RBFOX1: variants seen among roughly 807,000 people sequenced by gnomAD.
RBFOX1 encodes the protein RNA binding fox-1 homolog 1.
A neutral mutation model predicts 57.7 loss-of-function variants in RBFOX1; 8 were observed. The observed-to-expected ratio is 0.14, with a 90% CI of 0.08 to 0.25. RBFOX1 has a LOEUF of 0.25. Among genes scored for constraint, RBFOX1 ranks in the 10% least tolerant of loss-of-function variants. RBFOX1 has a pLI of 1.00. For missense variants in RBFOX1, 611 were observed against 548.5 expected (o/e 1.11, Z -1.14); for synonymous variants, 326 against 222.4 (o/e 1.47, Z -4.15).
At chr16:5,504,786 A>G (rs901478861) in intron 2 of RBFOX1, among the ~76,000 whole-genome samples, 2 of 152,174 alleles carry the variant, frequency 1.3e-5, no homozygotes, top group African/African-American at 4.8e-5. Context: ...GAGGCTTGGG[A>G]AGACCAAGGG....
intron 3 of RBFOX1, among the ~76,000 whole-genome samples, chr16:6,971,342 T>C (rs538469770): frequency 6.6e-6 from 1 of 152,138 alleles, no homozygotes; most frequent in South Asian, 2.1e-4. Flanking sequence ...GGAAGAGCAA[T>C]CCAGGCAGCA....
chr16:5,398,917 G>T (rs867514109), intron 1 of RBFOX1, among the ~76,000 whole-genome samples: 52 of 152,220 alleles, frequency 3.4e-4, no homozygotes, highest in African/African-American at 1.2e-3. Flanking sequence ...AGCGGAGGCT[G>T]TGAACCAGAA....
intron 3 of RBFOX1, among the ~76,000 whole-genome samples, chr16:6,811,626 A>C (rs1414781122): frequency 6.6e-6 from 1 of 152,200 alleles, no homozygotes; most frequent in East Asian, 1.9e-4. Flanking sequence ...ACGGTGCCTC[A>C]GGTCTGTAAT....
At chr16:6,161,128 C>T (rs1488022973) in intron 1 of RBFOX1, among the ~76,000 whole-genome samples, 1 of 152,154 alleles carries the variant, frequency 6.6e-6, no homozygotes, top group African/African-American at 2.4e-5. Flanking sequence ...GTGACTCATG[C>T]TTGTCATCCC....
At chr16:7,574,657 A>T (rs1209817077) in intron 5 of RBFOX1, among the ~76,000 whole-genome samples, 5 of 152,088 alleles carry the variant, frequency 3.3e-5, no homozygotes, top group Admixed American at 2.0e-4. Flanking sequence ...AGGTGATCAG[A>T]TGGGGCCCAC....
intron 3 of RBFOX1, among the ~76,000 whole-genome samples, chr16:6,722,908 G>A (rs2066316791): frequency 6.6e-6 from 1 of 152,178 alleles, no homozygotes. Flanking sequence ...GGGGTAGAGT[G>A]AATATTTGTG....
chr16:7,074,332 T>C (rs2057917068), intron 4 of RBFOX1, among the ~76,000 whole-genome samples: 1 of 152,242 alleles, frequency 6.6e-6, no homozygotes, highest in Non-Finnish European at 1.5e-5. Context: ...ACTGAGATTC[T>C]GTTAGGTTGA....
chr16:6,674,077 C>G (rs1055625769), intron 3 of RBFOX1, among the ~76,000 whole-genome samples: 3 of 152,148 alleles, frequency 2.0e-5, no homozygotes, highest in African/African-American at 4.8e-5. Flanking sequence ...ATTCAGCACT[C>G]TCTTGGTTCT....
intron 3 of RBFOX1, among the ~76,000 whole-genome samples, chr16:5,791,899 G>C (rs1164853682): frequency 6.6e-6 from 1 of 152,170 alleles, no homozygotes; most frequent in Non-Finnish European, 1.5e-5. Context: ...GAGGTTTTGG[G>C]AAGAACCAGC....
chr16:7,447,973 C>G (rs2150107412), intron 4 of RBFOX1, among the ~76,000 whole-genome samples: 1 of 152,310 alleles, frequency 6.6e-6, no homozygotes. Context: ...ATCAGGATCT[C>G]TGGGGTTGGG....
In RBFOX1 at chr16:6,465,990, A is replaced by C. The variant is rs541079689; in HGVS notation, c.-64+148933A>C. On this transcript the variant is annotated intron_variant, in intron 2 of 15. Transcript: ENST00000550418. Reference sequence around the variant, plus strand: ...ATGCCTGTAATCCTAGCATATTGAGAGGCTGAGGTGGGTGGATCACTTGAG... The same window carrying C: ...ATGCCTGTAATCCTAGCATATTGAGCGGCTGAGGTGGGTGGATCACTTGAG... Among the ~76,000 whole-genome samples, 4 of 152,164 alleles carry C rather than the reference A, an allele frequency of 2.6e-5. 1 individual carries two copies. The highest frequency in any genetic ancestry group is 9.6e-5 in the African/African-American group (4 of 41,492).
chr16:7,614,004 G>A (rs2058013838), intron 10 of RBFOX1, among the ~76,000 whole-genome samples: 1 of 152,104 alleles, frequency 6.6e-6, no homozygotes, highest in Admixed American at 6.5e-5. Context: ...GGGTTTACAA[G>A]GTAACTGTTA....
intron 1 of RBFOX1, among the ~76,000 whole-genome samples, chr16:6,186,521 A>T (rs1456409030): frequency 6.6e-6 from 1 of 151,894 alleles, no homozygotes; most frequent in African/African-American, 2.4e-5. Context: ...TATAGTGAGG[A>T]GAGGGGCGGG....
intron 2 of RBFOX1, among the ~76,000 whole-genome samples, chr16:6,487,680 AAAAAAAAAAAAAAAAAAAAAATATAT>A (rs1432150250): frequency 3.1e-3 from 29 of 9,330 alleles, no homozygotes; most frequent in African/African-American, 4.3e-3. Context: ...ATGTAAAAAA[AAAAAAAAAAAAAAAAAAAAAATATAT>A]ATATATATAT....
chr16:6,005,364 G>C (rs956392019), intron 4 of RBFOX1, among the ~76,000 whole-genome samples: 1 of 152,198 alleles, frequency 6.6e-6, no homozygotes, highest in African/African-American at 2.4e-5. Context: ...GCCAATGTTT[G>C]TTGAGCATCT....
intron 2 of RBFOX1, among the ~76,000 whole-genome samples, chr16:6,488,083 A>C (rs1365462064): frequency 1.3e-5 from 2 of 152,120 alleles, no homozygotes; most frequent in African/African-American, 4.8e-5. Context: ...CAACCAAACA[A>C]ATCAAGGTGC....
At chr16:5,647,652 T>C (rs2049097112) in intron 3 of RBFOX1, among the ~76,000 whole-genome samples, 2 of 152,156 alleles carry the variant, frequency 1.3e-5, no homozygotes, top group African/African-American at 4.8e-5. Flanking sequence ...AGTAAGTCAG[T>C]ACCTTCTCTG....
Position 7,346,073 on chromosome 16 carries a change from C to T in RBFOX1, c.28-172074C>T, listed in dbSNP as rs138224010. On this transcript the variant is annotated intron_variant, in intron 4 of 15. Transcript: ENST00000550418. Reference sequence around the variant, plus strand: ...ATTCCCACCTGTGAGTGAGAACATGCGGTGTTTGGTTTTTTGTCCTTGCGA... The same window carrying T: ...ATTCCCACCTGTGAGTGAGAACATGTGGTGTTTGGTTTTTTGTCCTTGCGA... Among the ~76,000 whole-genome samples the T allele has an allele frequency of 4.6e-3, 698 of 152,188 alleles. 5 individuals are homozygous for T. Among genetic ancestry groups the T allele is most frequent in the African/African-American group, 0.016 (668 of 41,536 alleles).
intron 2 of RBFOX1, among the ~76,000 whole-genome samples, chr16:6,607,766 A>C (rs1025399332): frequency 6.6e-6 from 1 of 152,200 alleles, no homozygotes; most frequent in Non-Finnish European, 1.5e-5. Flanking sequence ...TCCAAAATTC[A>C]GTGTCTACAA....
Sources: allele counts gnomAD v4.1 joint callset (sites outside exome capture counted in the v4.1 genomes callset), GRCh38; gene constraint gnomAD v4.1.1; transcripts MANE v1.5; gene names NCBI Gene and HGNC (gene_info 2026-07-23, HGNC 2026-07-21).